Variants in DCPH1 observed in about 807,000 individuals in gnomAD.
DCPH1 encodes the protein damage-control phosphatase 1.
At chr6:151,457,831 C>G in the DCPH1 span, among the ~76,000 whole-genome samples, 1 of 151,942 alleles carries the variant, frequency 6.6e-6, no homozygotes, top group Non-Finnish European at 1.5e-5. Context: ...TCATTCTGAT[C>G]CCATTACATT....
At chr6:151,460,200 C>A in the DCPH1 span, among the ~76,000 whole-genome samples, 3 of 152,012 alleles carry the variant, frequency 2.0e-5, no homozygotes, top group Non-Finnish European at 2.9e-5. Flanking sequence ...TTGCCTCAGC[C>A]TCCCGAGTAG....
the DCPH1 span, chr6:151,469,977 T>G: frequency 6.6e-6 from 1 of 152,192 alleles, no homozygotes; most frequent in Non-Finnish European, 1.5e-5. Flanking sequence ...TTACACATTT[T>G]ATTGGTCATT....
At chr6:151,469,219 G>A in the DCPH1 span, 2 of 876,356 alleles carry the variant, frequency 2.3e-6, no homozygotes, top group Non-Finnish European at 3.4e-6. Context: ...CGCGCTCAGG[G>A]AAGCTTAGCT....
chr6:151,454,965 T>A, the DCPH1 span, among the ~76,000 whole-genome samples: 1 of 152,274 alleles, frequency 6.6e-6, no homozygotes, highest in South Asian at 2.1e-4. Context: ...AGCAATTGAG[T>A]TGCTTAGAAG....
At chr6:151,455,287 A>G in the DCPH1 span, among the ~76,000 whole-genome samples, 22 of 151,252 alleles carry the variant, frequency 1.5e-4, no homozygotes, top group Non-Finnish European at 1.5e-4. Flanking sequence ...AGAAAAAGAC[A>G]CAGAGACAAA....
chr6:151,459,718 G>A, the DCPH1 span, among the ~76,000 whole-genome samples: 1 of 152,162 alleles, frequency 6.6e-6, no homozygotes, highest in African/African-American at 2.4e-5. Context: ...TTGAACCTGG[G>A]AGGCGGAGGT....
At chr6:151,460,408 A>AT in the DCPH1 span, among the ~76,000 whole-genome samples, 1 of 149,864 alleles carries the variant, frequency 6.7e-6, no homozygotes, top group South Asian at 2.1e-4. Flanking sequence ...CAGCCTATAT[A>AT]TTTTTTTTTC....
chr6:151,458,617 C>G, the DCPH1 span: 1 of 1,482,076 alleles, frequency 6.7e-7, no homozygotes, highest in Non-Finnish European at 9.1e-7. Flanking sequence ...ATAATTTATA[C>G]TTTTTCTGAA....
the DCPH1 span, chr6:151,458,570 G>A: frequency 6.2e-7 from 1 of 1,605,564 alleles, no homozygotes; most frequent in Non-Finnish European, 8.5e-7. Flanking sequence ...CAATTATCCA[G>A]AGGTACGTGT....
the DCPH1 span, chr6:151,464,634 A>C: frequency 6.4e-7 from 1 of 1,566,732 alleles, no homozygotes. Flanking sequence ...TGTGATCATT[A>C]ATCTTCTGAG....
chr6:151,465,478 G>A, the DCPH1 span, among the ~76,000 whole-genome samples: 1 of 152,190 alleles, frequency 6.6e-6, no homozygotes, highest in African/African-American at 2.4e-5. Context: ...AGTAAGTCAG[G>A]TGTATGTCTG....
the DCPH1 span, chr6:151,452,869 A>C: frequency 2.8e-6 from 1 of 355,546 alleles, no homozygotes; most frequent in East Asian, 4.7e-5. Context: ...ATTCACTTTA[A>C]TAGACGCGCT....
chr6:151,454,207 G>C, the DCPH1 span, among the ~76,000 whole-genome samples: 1 of 152,280 alleles, frequency 6.6e-6, no homozygotes, highest in South Asian at 2.1e-4. Context: ...ACAAGAGCCT[G>C]TTTGATTTCT....
chr6:151,461,389 G>C, the DCPH1 span, among the ~76,000 whole-genome samples: 5 of 115,782 alleles, frequency 4.3e-5, no homozygotes, highest in African/African-American at 1.7e-4. Flanking sequence ...CGTATTTTTA[G>C]GCCAGGCACA....
chr6:151,467,262 A>C, the DCPH1 span, among the ~76,000 whole-genome samples: 3 of 151,626 alleles, frequency 2.0e-5, no homozygotes, highest in Non-Finnish European at 2.9e-5. Flanking sequence ...AAAAAAAAAA[A>C]ACAAAACCCT....
At chr6:151,461,767 G>A in the DCPH1 span, among the ~76,000 whole-genome samples, 37 of 152,220 alleles carry the variant, frequency 2.4e-4, no homozygotes, top group South Asian at 6.4e-3. Context: ...TTTTTCTTTC[G>A]GAAGCTCAGG....
chr6:151,456,132 A>C, the DCPH1 span, among the ~76,000 whole-genome samples: 1 of 152,194 alleles, frequency 6.6e-6, no homozygotes, highest in Non-Finnish European at 1.5e-5. Context: ...TCCTATGTCT[A>C]CTTCTTTCTA....
chr6:151,464,189 T>C, the DCPH1 span, among the ~76,000 whole-genome samples: 5 of 152,212 alleles, frequency 3.3e-5, no homozygotes, highest in Non-Finnish European at 5.9e-5. Flanking sequence ...AGGTAGATAA[T>C]TATGAGCATA....
the DCPH1 span, chr6:151,452,686 G>T: frequency 6.4e-6 from 8 of 1,252,952 alleles, no homozygotes; most frequent in Non-Finnish European, 8.8e-6. Context: ...GGTGGGCTGC[G>T]TTCGAGTCCC....
Sources: allele counts gnomAD v4.1 joint callset (sites outside exome capture counted in the v4.1 genomes callset), GRCh38; gene constraint gnomAD v4.1.1; transcripts MANE v1.5; gene names NCBI Gene and HGNC (gene_info 2026-07-23, HGNC 2026-07-21).